The following PPP1R9A variants were observed in gnomAD, a reference collection of about 807,000 sequenced individuals.
PPP1R9A encodes neurabin-1.
Under a neutral mutation model 141.9 loss-of-function variants are expected in PPP1R9A, and 59 were observed. That is an observed-to-expected ratio of 0.42 (90% CI 0.34 to 0.52). The LOEUF is 0.52. PPP1R9A is among the 20% of genes least tolerant of loss of function. The probability of loss-of-function intolerance (pLI) is 0.10; values close to 1 mark genes in which losing one functional copy is unlikely to be tolerated. For synonymous variants in PPP1R9A, 500 were observed against 569.7 expected, an observed-to-expected ratio of 0.88 and a Z score of 1.74; for missense variants, 1,444 against 1,611.9, an observed-to-expected ratio of 0.90 and a Z score of 1.78.
At chr7:95,131,376 C>A (rs1015991756) in intron 4 of PPP1R9A, among the ~76,000 whole-genome samples, 3 of 152,164 alleles carry the variant, frequency 2.0e-5, no homozygotes, top group Admixed American at 2.0e-4. Flanking sequence ...GTCCAATAAA[C>A]CTTTTTCCTT....
intron 2 of PPP1R9A, among the ~76,000 whole-genome samples, chr7:94,984,461 C>T (rs1250678108): frequency 6.6e-6 from 1 of 151,830 alleles, no homozygotes; most frequent in Non-Finnish European, 1.5e-5. Flanking sequence ...CATCTGGTCT[C>T]GGAGTTTTTT....
At chr7:95,051,736 T>G (rs1810830987) in intron 2 of PPP1R9A, among the ~76,000 whole-genome samples, 1 of 152,104 alleles carries the variant, frequency 6.6e-6, no homozygotes, top group African/African-American at 2.4e-5. Flanking sequence ...AGAAACTCAA[T>G]TACAAAAGAT....
rs1183668212 is a variant in PPP1R9A, at chr7:95,273,919, T to C, written c.3145T>C (p.Ser1049Pro). 6.6e-7 allele frequency: 1 copy of C among 1,504,016 alleles called. No individual in the cohort carries two copies. The highest frequency in any genetic ancestry group is 9.1e-7 in the Non-Finnish European group (1 of 1,094,846). 93.2% of individuals were successfully genotyped at this position (1,504,016 alleles called of 1,614,324 possible). ...CCTAGATGATGCCAAAGATCCCAAA[T>C]CACTAAGGGCATCCAGTTCATTGGC... is the stretch of plus-strand genomic sequence containing the variant. ...REKDDAKDPKSLRASSSLAVQ... is the reference protein window; with the variant it reads ...REKDDAKDPKPLRASSSLAVQ... Residue 1049 changes from serine (S) to proline (P), a missense_variant, in exon 15 of 20, where the codon TCA (serine) becomes CCA (proline). By Grantham distance (74) the Ser-to-Pro change is moderately conservative. Coordinates refer to ENST00000433360, the MANE Select transcript of PPP1R9A (RefSeq NM_001166160.2).
intron 2 of PPP1R9A, among the ~76,000 whole-genome samples, chr7:95,015,227 TACAC>T (rs71537250): frequency 4.0e-5 from 6 of 148,984 alleles, no homozygotes; most frequent in East Asian, 4.4e-4. Flanking sequence ...AATATATATA[TACAC>T]ACACACACAC....
chr7:95,268,851 G>C, intron 13 of PPP1R9A, 144 bp downstream of exon 13: 1 of 961,742 alleles, frequency 1.0e-6, no homozygotes, highest in Non-Finnish European at 1.5e-6. Context: ...TTTGTCTCCT[G>C]AATTCTTTAT....
chr7:95,113,223 T>C (rs1820878545), intron 3 of PPP1R9A, among the ~76,000 whole-genome samples: 1 of 152,058 alleles, frequency 6.6e-6, no homozygotes, highest in South Asian at 2.1e-4. Context: ...TTGAGAGATA[T>C]TCCAAAAAGA....
intron 4 of PPP1R9A, among the ~76,000 whole-genome samples, chr7:95,144,559 C>T (rs545942398): frequency 6.6e-6 from 1 of 152,100 alleles, no homozygotes; most frequent in East Asian, 1.9e-4. Flanking sequence ...TTTTGAGGAA[C>T]CTCTATGTTG....
intron 8 of PPP1R9A, among the ~76,000 whole-genome samples, chr7:95,247,016 A>C (rs1798212437): frequency 6.6e-6 from 1 of 152,160 alleles, no homozygotes; most frequent in South Asian, 2.1e-4. Context: ...TGCTGATCAG[A>C]ATGTGCTTGC....
rs541304298 is a variant in PPP1R9A at position 94,952,105 on chromosome 7, C to T, written c.1395+40597C>T. ...TATTTCTTCTAAGGTTATCCCTCCC[C>T]TAGCACCCCACCTCCAGGCCCCAGT... On this transcript the variant is annotated intron_variant, in intron 2 of 19. Coordinates refer to ENST00000433360, the MANE Select transcript of PPP1R9A (RefSeq NM_001166160.2). Among the ~76,000 whole-genome samples the T allele has an allele frequency of 3.9e-5, 6 of 152,218 alleles. No individual in the cohort carries two copies. The East Asian group carries it at 1.2e-3, about 29-fold the overall frequency.
chr7:95,015,335 C>T (rs968809903), intron 2 of PPP1R9A, among the ~76,000 whole-genome samples: 1 of 151,814 alleles, frequency 6.6e-6, no homozygotes, highest in Non-Finnish European at 1.5e-5. Context: ...TGCTATTTAT[C>T]ATTGCCACAA....
intron 2 of PPP1R9A, among the ~76,000 whole-genome samples, chr7:95,020,743 G>T (rs1805828682): frequency 6.6e-6 from 1 of 152,148 alleles, no homozygotes; most frequent in Non-Finnish European, 1.5e-5. Context: ...TGCTGAGAAT[G>T]ATGGTTTCCA....
intron 2 of PPP1R9A, among the ~76,000 whole-genome samples, chr7:95,024,379 A>G (rs1806489653): frequency 6.6e-6 from 1 of 152,166 alleles, no homozygotes; most frequent in African/African-American, 2.4e-5. Flanking sequence ...GTGGGGTGTT[A>G]AAATCTCCCA....
chr7:94,950,229 G>A (rs1192701443), intron 2 of PPP1R9A, among the ~76,000 whole-genome samples: 2 of 152,022 alleles, frequency 1.3e-5, no homozygotes, highest in African/African-American at 4.8e-5. Context: ...ATATAGTTTG[G>A]TATAGTTCAG....
intron 2 of PPP1R9A, among the ~76,000 whole-genome samples, chr7:94,970,965 C>T (rs1021837786): frequency 7.9e-5 from 12 of 152,088 alleles, no homozygotes; most frequent in East Asian, 1.9e-4. Flanking sequence ...TGGTCTTTAG[C>T]GTCCTCACCC....
intron 2 of PPP1R9A, among the ~76,000 whole-genome samples, chr7:95,030,330 C>G (rs965021123): frequency 2.0e-4 from 30 of 152,086 alleles, no homozygotes; most frequent in Non-Finnish European, 5.9e-5. Flanking sequence ...CAAATGTTAT[C>G]TTAGTTCACT....
intron 12 of PPP1R9A, 111 bp from the exon 13 acceptor site, chr7:95,268,439 C>G: frequency 3.2e-6 from 4 of 1,236,768 alleles, no homozygotes; most frequent in Non-Finnish European, 2.3e-6. Context: ...TGGTGGTCAC[C>G]TGATCCTTAC....
chr7:95,128,572 T>C (rs373787206), intron 4 of PPP1R9A, among the ~76,000 whole-genome samples: 271 of 149,062 alleles, frequency 1.8e-3, no homozygotes, highest in African/African-American at 6.6e-3. Context: ...TCTGTTCGTT[T>C]GTTTGTTTGT....
intron 2 of PPP1R9A, among the ~76,000 whole-genome samples, chr7:95,001,200 CAGGGAAGG>C (rs1802870025): frequency 6.6e-6 from 1 of 152,038 alleles, no homozygotes; most frequent in Non-Finnish European, 1.5e-5. Context: ...TATTTGAATT[CAGGGAAGG>C]CTGTTATAAA....
At chr7:94,957,212 C>T (rs1423094746) in intron 2 of PPP1R9A, among the ~76,000 whole-genome samples, 1 of 152,114 alleles carries the variant, frequency 6.6e-6, no homozygotes, top group African/African-American at 2.4e-5. Context: ...ATAGTTTTTG[C>T]CTCAGTCACT....
Sources: allele counts gnomAD v4.1 joint callset (sites outside exome capture counted in the v4.1 genomes callset), GRCh38; gene constraint gnomAD v4.1.1; transcripts MANE v1.5; gene names NCBI Gene and HGNC (gene_info 2026-07-23, HGNC 2026-07-21).